The following ESRRG variants were observed in gnomAD, a reference collection of about 807,000 sequenced individuals.
ESRRG encodes estrogen-related receptor gamma.
Under a neutral mutation model 44.0 loss-of-function variants are expected in ESRRG, and 13 were observed. That is an observed-to-expected ratio of 0.30 (90% CI 0.19 to 0.47). ESRRG has a LOEUF of 0.47. Among genes scored for constraint, ESRRG ranks in the 20% least tolerant of loss-of-function variants. The probability of loss-of-function intolerance (pLI) is 1.00; values close to 1 mark genes in which losing one functional copy is unlikely to be tolerated. For synonymous variants in ESRRG, 215 were observed against 214.6 expected, an observed-to-expected ratio of 1.00 and a Z score of -0.02; for missense variants, 395 against 580.6, an observed-to-expected ratio of 0.68 and a Z score of 3.29.
intron 1 of ESRRG, among the ~76,000 whole-genome samples, chr1:216,948,384 G>T (rs2066406893): frequency 6.7e-6 from 1 of 150,022 alleles, no homozygotes; most frequent in Non-Finnish European, 1.5e-5. Context: ...GGTGTAGGCA[G>T]GAGAATCTCT....
At chr1:216,899,509 C>T (rs368913771) in intron 2 of ESRRG, among the ~76,000 whole-genome samples, 18 of 152,298 alleles carry the variant, frequency 1.2e-4, no homozygotes, top group Admixed American at 2.0e-4. Context: ...TTATGTTTTG[C>T]AATCCTAGGA....
intron 2 of ESRRG, among the ~76,000 whole-genome samples, chr1:216,781,591 G>A (rs760246690): frequency 1.3e-5 from 2 of 151,936 alleles, no homozygotes; most frequent in Non-Finnish European, 2.9e-5. Context: ...ATATCTTAGT[G>A]GACTAATTAG....
At chr1:216,881,526 A>C (rs1292156728) in intron 2 of ESRRG, among the ~76,000 whole-genome samples, 1 of 152,100 alleles carries the variant, frequency 6.6e-6, no homozygotes, top group Non-Finnish European at 1.5e-5. Context: ...TCTGGTAGCT[A>C]TACGAAAGGA....
intron 2 of ESRRG, among the ~76,000 whole-genome samples, chr1:216,856,041 A>G (rs894273373): frequency 3.3e-5 from 5 of 151,706 alleles, no homozygotes; most frequent in African/African-American, 9.7e-5. Flanking sequence ...AAAAGAGGTG[A>G]CCTACTACCT....
chr1:216,829,588 T>A (rs948449408), intron 2 of ESRRG, among the ~76,000 whole-genome samples: 97 of 149,102 alleles, frequency 6.5e-4, no homozygotes, highest in African/African-American at 2.3e-3. Context: ...GGAGTCTCAC[T>A]CTGTTGCCCA....
intron 2 of ESRRG, among the ~76,000 whole-genome samples, chr1:216,838,180 A>G (rs2095597736): frequency 6.6e-6 from 1 of 152,158 alleles, no homozygotes; most frequent in Non-Finnish European, 1.5e-5. Flanking sequence ...AAGCACCTGA[A>G]GCCAGGAATT....
chr1:216,822,147 A>G (rs2095310974), intron 2 of ESRRG, among the ~76,000 whole-genome samples: 1 of 152,160 alleles, frequency 6.6e-6, no homozygotes, highest in African/African-American at 2.4e-5. Flanking sequence ...TATGAAATGA[A>G]ATAATTTGAT....
intron 1 of ESRRG, among the ~76,000 whole-genome samples, chr1:217,080,315 G>A (rs988651110): frequency 6.6e-6 from 1 of 152,000 alleles, no homozygotes; most frequent in Non-Finnish European, 1.5e-5. Context: ...CTCAAGTTGG[G>A]TCAATTTTAC....
At chr1:216,585,868 A>G (rs995728836) in intron 3 of ESRRG, among the ~76,000 whole-genome samples, 5 of 152,008 alleles carry the variant, frequency 3.3e-5, no homozygotes, top group Admixed American at 6.6e-5. Flanking sequence ...GTGAAACCCC[A>G]TCTCTACTAA....
chr1:216,709,106 T>C (rs888388784), intron 1 of ESRRG, among the ~76,000 whole-genome samples: 1 of 151,970 alleles, frequency 6.6e-6, no homozygotes, highest in African/African-American at 2.4e-5. Flanking sequence ...AGGAGAAATG[T>C]CTAATGTAGA....
intron 5 of ESRRG, among the ~76,000 whole-genome samples, chr1:216,542,757 C>T (rs1170823132): frequency 6.6e-6 from 1 of 151,902 alleles, no homozygotes; most frequent in African/African-American, 2.4e-5. Flanking sequence ...CTTCTCTCTA[C>T]CTATTTATTC....
At chr1:217,118,838 TA>T (rs2092775219) in intron 1 of ESRRG, among the ~76,000 whole-genome samples, 1 of 150,446 alleles carries the variant, frequency 6.6e-6, no homozygotes, top group Admixed American at 6.6e-5. Context: ...GAAAAAAAAA[TA>T]AAAAAGTAGC....
intron 2 of ESRRG, among the ~76,000 whole-genome samples, chr1:216,664,629 T>C (rs998757083): frequency 6.7e-6 from 1 of 149,696 alleles, no homozygotes; most frequent in African/African-American, 2.4e-5. Flanking sequence ...TTGGCATATC[T>C]ATAAAATCTC....
intron 2 of ESRRG, among the ~76,000 whole-genome samples, chr1:216,876,598 A>C (rs1367689887): frequency 6.6e-6 from 1 of 150,840 alleles, no homozygotes; most frequent in Non-Finnish European, 1.5e-5. Flanking sequence ...TTTTTGTCAT[A>C]CCTTTTTTTT....
intron 1 of ESRRG, among the ~76,000 whole-genome samples, chr1:217,100,719 C>T (rs1558261480): frequency 1.3e-5 from 2 of 152,114 alleles, no homozygotes; most frequent in African/African-American, 4.8e-5. Context: ...CATCACATGG[C>T]GAGAGTGGGA....
At chr1:216,779,335 A>C (rs1190743145) in intron 2 of ESRRG, among the ~76,000 whole-genome samples, 8 of 94,066 alleles carry the variant, frequency 8.5e-5, no homozygotes. Flanking sequence ...ATATATATTT[A>C]TATTTATAAA....
At chr1:217,016,036 C>T (rs1053962270) in intron 1 of ESRRG, among the ~76,000 whole-genome samples, 4 of 152,034 alleles carry the variant, frequency 2.6e-5, no homozygotes, top group African/African-American at 9.7e-5. Context: ...ATCTTACCTT[C>T]CCCTTCTTAT....
At chr1:216,807,619 A>G (rs1409801194) in intron 2 of ESRRG, among the ~76,000 whole-genome samples, 2 of 152,130 alleles carry the variant, frequency 1.3e-5, no homozygotes, top group African/African-American at 4.8e-5. Context: ...TATCTGACAG[A>G]AAGGAGGCAG....
chr1:217,129,415 A>G (rs1259328970), intron 1 of ESRRG, among the ~76,000 whole-genome samples: 1 of 152,228 alleles, frequency 6.6e-6, no homozygotes, highest in Non-Finnish European at 1.5e-5. Context: ...TGCTGTGGAA[A>G]GAAGTATGGT....
Sources: gnomAD v4.1 joint callset for allele counts (sites outside exome capture counted in the v4.1 genomes callset) on GRCh38, gnomAD v4.1.1 for gene constraint, MANE v1.5 for transcripts, NCBI Gene and HGNC (gene_info 2026-07-23, HGNC 2026-07-21) for gene names.